Variants in PAK6 observed in about 807,000 individuals in gnomAD.
PAK6 encodes the protein p21 (RAC1) activated kinase 6.
PAK6 carries 33 observed loss-of-function variants against 60.8 expected under a neutral mutation model. The ratio of observed to expected loss-of-function variants is 0.54; its 90% CI spans 0.41 to 0.73. PAK6 has a LOEUF of 0.73. PAK6 is among the 30% of genes least tolerant of loss of function. The pLI is 0.00. For missense variants in PAK6, 845 were observed against 904.1 expected (o/e 0.93, Z 0.84); for synonymous variants, 404 against 378.5 (o/e 1.07, Z -0.78).
Position 40,264,840 on chromosome 15 carries a change from C to T in PAK6, c.55C>T (p.Gln19Ter). ...TGAGATCTCAGCGCCACAGAACTTC[C>T]AGCACCGTGTCCACACCTCCTTCGA... is the stretch of plus-strand genomic sequence containing the variant. The change falls in exon 4 of 11, where the codon CAG (glutamine) becomes TAG (stop). Residue 19 changes from glutamine to a stop codon, truncating the protein, a stop_gained. Coordinates refer to ENST00000560346, the Ensembl canonical transcript of PAK6. LOFTEE classifies it high-confidence loss of function. 1.2e-6 allele frequency: 2 copies of T among 1,614,016 alleles called. No individual in the cohort carries two copies. Among genetic ancestry groups the T allele is most frequent in the Non-Finnish European group, 1.7e-6 (2 of 1,180,040 alleles).
exon 6 of PAK6, chr15:40,272,418 C>A (rs781194868): frequency 5.6e-6 from 9 of 1,613,474 alleles, no homozygotes; most frequent in Non-Finnish European, 7.6e-6. Context: ...CAGCGGGATC[C>A]CCCCGCACCT....
chr15:40,242,916 G>C (rs1302660465), intron 2 of PAK6, among the ~76,000 whole-genome samples: 1 of 152,190 alleles, frequency 6.6e-6, no homozygotes. Context: ...GGAAGAGGGG[G>C]TGGACAAAGC....
chr15:40,271,787 G>A (rs115304647), intron 5 of PAK6, among the ~76,000 whole-genome samples: 46 of 152,202 alleles, frequency 3.0e-4, no homozygotes, highest in African/African-American at 1.1e-3. Context: ...GCCCCCATGG[G>A]TCCTGGGGTG....
At chr15:40,253,214 TC>T (rs758001732) in exon 3 of PAK6, 3 of 456,104 alleles carry the variant, frequency 6.6e-6, no homozygotes, top group South Asian at 4.6e-5. Flanking sequence ...TCCCAGGTCT[TC>T]CCTCTCCTCA....
At chr15:40,268,218 G>T (rs1180423189) in intron 5 of PAK6, among the ~76,000 whole-genome samples, 1 of 152,164 alleles carries the variant, frequency 6.6e-6, no homozygotes, top group African/African-American at 2.4e-5. Flanking sequence ...CTGAAGCCAA[G>T]CCTCTCAATG....
chr15:40,268,376 T>TC, intron 5 of PAK6, among the ~76,000 whole-genome samples: 1 of 152,246 alleles, frequency 6.6e-6, no homozygotes, highest in South Asian at 2.1e-4. Context: ...GGTGGTACCC[T>TC]CGGTTGGAAT....
chr15:40,265,002 G>A lies in PAK6; in HGVS notation c.204+13G>A, dbSNP rs369966703. On this transcript the variant is annotated intron_variant, in intron 4 of 10. Transcript: ENST00000560346. ...CCAGCCCATGAAGGTAAGAGGGGCC[G>A]GCAGGGATGAGGTTCAGCCTCTCCC... The A allele has an allele frequency of 2.5e-5, 41 of 1,609,956 alleles. No individual in the cohort carries two copies. Among genetic ancestry groups the A allele is most frequent in the African/African-American group, 5.3e-5 (4 of 74,858 alleles).
chr15:40,255,953 T>C (rs529063979), intron 3 of PAK6, among the ~76,000 whole-genome samples: 44 of 152,314 alleles, frequency 2.9e-4, no homozygotes, highest in African/African-American at 9.9e-4. Flanking sequence ...CAACACCTGT[T>C]TGGAAGAAGC....
intron 3 of PAK6, among the ~76,000 whole-genome samples, chr15:40,261,409 C>T (rs1251820938): frequency 2.6e-5 from 4 of 151,764 alleles, no homozygotes; most frequent in African/African-American, 4.8e-5. Flanking sequence ...TGATGGCGTG[C>T]GCCTGTAGTC....
At chr15:40,276,219 C>G in exon 11 of PAK6, 2 of 945,168 alleles carry the variant, frequency 2.1e-6, no homozygotes, top group Non-Finnish European at 3.2e-6. Flanking sequence ...TGTGAAGCCC[C>G]AGCCCCACCC....
rs749382893 is a variant in PAK6 at position 40,252,630 on chromosome 15, C to G, written c.-117-548C>G. Reference sequence around the variant, plus strand: ...GGCGTTCCCGCGCCGAGGTCCCTCCCGCGGAGGGCGGGCCCGGCTCCCACG... The same window carrying G: ...GGCGTTCCCGCGCCGAGGTCCCTCCGGCGGAGGGCGGGCCCGGCTCCCACG... On this transcript the variant is annotated intron_variant, in intron 2 of 10. Transcript: ENST00000560346. 3.0e-6 allele frequency: 4 copies of G among 1,337,560 alleles called. No individual in the cohort carries two copies. The African/African-American group carries it at 5.9e-5, about 20-fold the overall frequency. 82.9% of individuals were successfully genotyped at this position (1,337,560 alleles called of 1,614,324 possible).
chr15:40,245,613 G>A, intron 2 of PAK6: 1 of 152,474 alleles, frequency 6.6e-6, no homozygotes, highest in East Asian at 1.9e-4. Context: ...CCCCAGGAAA[G>A]AGCTGGCCAT....
exon 6 of PAK6, chr15:40,272,612 G>T (rs780988330): frequency 3.7e-6 from 6 of 1,611,850 alleles, no homozygotes; most frequent in Non-Finnish European, 8.5e-7. Flanking sequence ...ATTGGCGAGG[G>T]CTCCACCGGC....
intron 3 of PAK6, among the ~76,000 whole-genome samples, chr15:40,258,173 C>T (rs2038889523): frequency 6.6e-6 from 1 of 152,220 alleles, no homozygotes; most frequent in African/African-American, 2.4e-5. Flanking sequence ...GCCCCAGGCC[C>T]CCTGGCCTCT....
intron 2 of PAK6, chr15:40,251,968 G>T (rs1448535149): frequency 6.3e-6 from 1 of 158,772 alleles, no homozygotes; most frequent in Non-Finnish European, 1.4e-5. Flanking sequence ...GCCGCTCTGG[G>T]GGTGCGGGTC....
chr15:40,255,263 G>A (rs2038804189), intron 3 of PAK6, among the ~76,000 whole-genome samples: 1 of 152,210 alleles, frequency 6.6e-6, no homozygotes, highest in Admixed American at 6.5e-5. Context: ...CTGTATTACT[G>A]TATTCTTTTA....
exon 5 of PAK6, chr15:40,266,171 G>T: frequency 6.2e-7 from 1 of 1,609,252 alleles, no homozygotes. Flanking sequence ...CAAAGGCACA[G>T]TCCCTGGGCC....
At chr15:40,274,046 G>C (rs1849683504) in intron 9 of PAK6, 96 bp from the exon 10 acceptor site, 4 of 1,434,742 alleles carry the variant, frequency 2.8e-6, no homozygotes, top group Non-Finnish European at 3.9e-6. Flanking sequence ...GGAGAGCTGG[G>C]GCCAGCTGTC....
At chr15:40,245,950 A>T (rs1035768712) in intron 2 of PAK6, 1 of 152,080 alleles carries the variant, frequency 6.6e-6, no homozygotes, top group African/African-American at 2.4e-5. Context: ...CTTTGCTCCT[A>T]TTGTGCTATT....
Sources: gnomAD v4.1 joint callset for allele counts (sites outside exome capture counted in the v4.1 genomes callset) on GRCh38, gnomAD v4.1.1 for gene constraint, MANE v1.5 for transcripts, NCBI Gene and HGNC (gene_info 2026-07-23, HGNC 2026-07-21) for gene names.